WDR72: variants seen among roughly 807,000 people sequenced by gnomAD.
WDR72 encodes the protein WD repeat-containing protein 72.
A neutral mutation model predicts 124.2 loss-of-function variants in WDR72; 120 were observed. That is an observed-to-expected ratio of 0.97 (90% confidence interval 0.83 to 1.12). The LOEUF is 1.12. Among genes scored for constraint, WDR72 ranks in the 50% most tolerant of loss-of-function variants. The probability of loss-of-function intolerance (pLI) is 0.00; values close to 1 mark genes in which losing one functional copy is unlikely to be tolerated. For synonymous variants in WDR72, 452 were observed against 441.7 expected, an observed-to-expected ratio of 1.02 and a Z score of -0.29; for missense variants, 1,387 against 1,278.8, an observed-to-expected ratio of 1.08 and a Z score of -1.29.
chr15:53,527,408 G>C (rs1020694914), intron 18 of WDR72, among the ~76,000 whole-genome samples: 1 of 151,728 alleles, frequency 6.6e-6, no homozygotes, highest in African/African-American at 2.4e-5. Context: ...CACATCCCCA[G>C]CAAGAGAGTG....
chr15:53,739,182 T>A (rs960800875), intron 1 of WDR72, among the ~76,000 whole-genome samples: 1 of 151,750 alleles, frequency 6.6e-6, no homozygotes, highest in African/African-American at 2.4e-5. Context: ...AGAAGGAGAA[T>A]GAAGTGAAGA....
intron 1 of WDR72, chr15:53,756,953 T>C (rs2018924571): frequency 6.6e-6 from 1 of 152,228 alleles, no homozygotes; most frequent in Non-Finnish European, 1.5e-5. Flanking sequence ...CTGGAATCAG[T>C]GTTCCCCTAC....
chr15:53,619,649 C>T (rs977213433), intron 14 of WDR72, among the ~76,000 whole-genome samples: 8 of 151,932 alleles, frequency 5.3e-5, no homozygotes, highest in African/African-American at 9.7e-5. Context: ...GTATCCCATC[C>T]GACTTCCTAT....
intron 18 of WDR72, among the ~76,000 whole-genome samples, chr15:53,561,121 G>A (rs763690999): frequency 6.6e-6 from 1 of 151,646 alleles, no homozygotes; most frequent in Non-Finnish European, 1.5e-5. Flanking sequence ...AGAACACCTG[G>A]AATTTTTACC....
intron 13 of WDR72, among the ~76,000 whole-genome samples, chr15:53,675,278 GGTTGCA>G (rs2016130063): frequency 6.6e-6 from 1 of 151,638 alleles, no homozygotes; most frequent in Admixed American, 6.6e-5. Flanking sequence ...GGAAGGCGGA[GGTTGCA>G]GTGAGCTGAG....
At position 53,738,347 on chromosome 15, in the gene WDR72, A is replaced by G. The variant is rs147064858; in HGVS notation, c.-12-5186T>C. ...AGACAAAACCATATATATTATAAAA[A>G]CAACAACATATAAGAAATAATCTAC... On this transcript the variant is annotated intron_variant, in intron 1 of 19. Transcript: ENST00000360509. 8.5e-5 allele frequency among the ~76,000 whole-genome samples: 13 copies of G among 152,304 alleles called. No individual in the cohort carries two copies. In the East Asian group the frequency reaches 2.5e-3, roughly 29 times the overall value.
At chr15:53,568,853 C>T (rs146872406) in intron 18 of WDR72, among the ~76,000 whole-genome samples, 1 of 151,996 alleles carries the variant, frequency 6.6e-6, no homozygotes, top group Non-Finnish European at 1.5e-5. Flanking sequence ...AGTATATATA[C>T]CTTGAACACA....
chr15:53,592,031 G>A (rs1039678543), intron 18 of WDR72, among the ~76,000 whole-genome samples: 14 of 151,904 alleles, frequency 9.2e-5, no homozygotes, highest in Middle Eastern at 6.3e-3. Flanking sequence ...CAACATATGG[G>A]CCAAGTCATG....
At chr15:53,613,294 A>G (rs2013620768) in intron 16 of WDR72, among the ~76,000 whole-genome samples, 2 of 152,264 alleles carry the variant, frequency 1.3e-5, no homozygotes, top group South Asian at 4.1e-4. Context: ...CAATAATAAA[A>G]TACTTAACAT....
At chr15:53,683,325 G>C (rs1030775776) in intron 13 of WDR72, among the ~76,000 whole-genome samples, 5 of 152,102 alleles carry the variant, frequency 3.3e-5, no homozygotes, top group African/African-American at 1.2e-4. Flanking sequence ...TGTCATAGTA[G>C]CTAGAAGAGA....
At chr15:53,566,118 T>G (rs1346596701) in intron 18 of WDR72, among the ~76,000 whole-genome samples, 3 of 151,990 alleles carry the variant, frequency 2.0e-5, no homozygotes, top group Admixed American at 6.6e-5. Context: ...TGCTAAGCAC[T>G]TACACTGCAT....
intron 13 of WDR72, among the ~76,000 whole-genome samples, chr15:53,679,773 A>T (rs764587687): frequency 1.3e-5 from 2 of 152,206 alleles, no homozygotes; most frequent in Non-Finnish European, 2.9e-5. Flanking sequence ...CTCAGAGAAA[A>T]ATAATAGAAG....
intron 13 of WDR72, among the ~76,000 whole-genome samples, chr15:53,680,566 G>A (rs1408758835): frequency 1.3e-5 from 2 of 152,140 alleles, no homozygotes; most frequent in Non-Finnish European, 2.9e-5. Context: ...GTTAACCTGC[G>A]GGGTAAATCA....
intron 2 of WDR72, among the ~76,000 whole-genome samples, chr15:53,726,649 C>G (rs1300983833): frequency 6.6e-6 from 1 of 151,888 alleles, no homozygotes; most frequent in African/African-American, 2.4e-5. Context: ...CAAGACCAGC[C>G]TGGGCAATGT....
chr15:53,762,119 A>T (rs1304478679), upstream of WDR72, among the ~76,000 whole-genome samples: 1 of 151,828 alleles, frequency 6.6e-6, no homozygotes, highest in Non-Finnish European at 1.5e-5. Context: ...GTTGGGAGAG[A>T]TTTTAACTCC....
intron 9 of WDR72, among the ~76,000 whole-genome samples, chr15:53,708,398 G>C (rs1352720310): frequency 6.6e-6 from 1 of 152,180 alleles, no homozygotes; most frequent in Non-Finnish European, 1.5e-5. Context: ...ATATGGGATT[G>C]GTGTGAGGAT....
chr15:53,651,610 A>G (rs1459605465), intron 14 of WDR72, among the ~76,000 whole-genome samples: 1 of 152,154 alleles, frequency 6.6e-6, no homozygotes, highest in East Asian at 1.9e-4. Context: ...AAGACAAATA[A>G]ATAGTGGCAA....
At chr15:53,685,396 G>A (rs1447722601) in intron 13 of WDR72, among the ~76,000 whole-genome samples, 162 of 128,700 alleles carry the variant, frequency 1.3e-3, no homozygotes, top group African/African-American at 4.7e-3. Flanking sequence ...ACCAAGGCTC[G>A]AGAACTACGT....
chr15:53,757,264 G>GA (rs752025216), intron 1 of WDR72, among the ~76,000 whole-genome samples: 5 of 152,020 alleles, frequency 3.3e-5, no homozygotes, highest in Admixed American at 6.6e-5. Context: ...TAACAACTGG[G>GA]AAAAAATAAC....
Sources: allele counts gnomAD v4.1 joint callset (sites outside exome capture counted in the v4.1 genomes callset), GRCh38; gene constraint gnomAD v4.1.1; transcripts MANE v1.5; gene names NCBI Gene and HGNC (gene_info 2026-07-23, HGNC 2026-07-21).